Variants in SVEP1 observed in about 807,000 individuals in gnomAD.
SVEP1 encodes the protein sushi, von Willebrand factor type A, EGF and pentraxin domain containing 1, also known as sushi, von Willebrand factor type A, EGF and pentraxin domain-containing protein 1.
In SVEP1, 164 loss-of-function variants were observed where a neutral mutation model predicts 367.3. That is an observed-to-expected ratio of 0.45 (90% CI 0.39 to 0.51). The LOEUF is 0.51. SVEP1 is among the 20% of genes least tolerant of loss of function. SVEP1 has a pLI of 0.00. For synonymous variants in SVEP1, 1,666 were observed against 1,611.6 expected (o/e 1.03, Z -0.81); for missense variants, 4,117 against 4,425.3 (o/e 0.93, Z 1.98).
chr9:110,555,283 G>GTACA (rs1226062599), intron 1 of SVEP1, among the ~76,000 whole-genome samples: 1 of 152,000 alleles, frequency 6.6e-6, no homozygotes, highest in African/African-American at 2.4e-5. Flanking sequence ...CGGGCACAGA[G>GTACA]TACATGTTCA....
intron 35 of SVEP1, among the ~76,000 whole-genome samples, chr9:110,428,528 A>C (rs958098759): frequency 6.6e-6 from 1 of 152,180 alleles, no homozygotes; most frequent in African/African-American, 2.4e-5. Context: ...AGCTGTTTAT[A>C]AAGAAATCCA....
In SVEP1 at chr9:110,513,051, G is replaced by C; in HGVS notation, c.1178C>G (p.Thr393Ser). ...GGCTGCATTGAAGTGGTTGTTGCAA[G>C]TGTTTTGGATAAAGTAACCATTTTC... Reference protein sequence around the residue: ...PPENGYFIQNTCNNHFNAACG... With the variant: ...PPENGYFIQNSCNNHFNAACG... The change falls in exon 5 of 48, where the codon ACT becomes AGT. Residue 393 changes from threonine (T) to serine (S), a missense_variant. Thr to Ser is a moderately conservative substitution (Grantham distance 58). Coordinates refer to ENST00000374469, the MANE Select transcript of SVEP1 (RefSeq NM_153366.4). 1 of 1,614,020 alleles carries C rather than the reference G, an allele frequency of 6.2e-7. No homozygotes were observed. The highest frequency in any genetic ancestry group is 1.1e-5 in the South Asian group (1 of 91,086).
chr9:110,511,597 A>G (rs1490999045), intron 5 of SVEP1, among the ~76,000 whole-genome samples: 1 of 141,570 alleles, frequency 7.1e-6, no homozygotes, highest in Admixed American at 7.6e-5. Context: ...TTAGCAATGT[A>G]GTTGCCTTTG....
intron 36 of SVEP1, among the ~76,000 whole-genome samples, chr9:110,427,270 C>T (rs1285967059): frequency 7.2e-6 from 1 of 139,318 alleles, no homozygotes; most frequent in African/African-American, 2.7e-5. Context: ...TGCACTCCAG[C>T]CTGGGCAAGG....
At position 110,516,449 on chromosome 9, in the gene SVEP1, G is replaced by A. The variant is rs145699758; in HGVS notation, c.965-2343C>T. On this transcript the variant is annotated intron_variant, in intron 3 of 47. Transcript: ENST00000374469. ...CTTAAAAATAGTAATAATGATATAAGACATGATAAATAATTTAGCATAAAG... is the reference window on the plus strand; with the variant it reads ...CTTAAAAATAGTAATAATGATATAAAACATGATAAATAATTTAGCATAAAG... Among the ~76,000 whole-genome samples, 537 of 151,884 alleles carry A rather than the reference G, an allele frequency of 3.5e-3. 2 individuals carry two copies. Among genetic ancestry groups the A allele is most frequent in the African/African-American group, 0.012 (498 of 41,534 alleles).
At chr9:110,439,644 C>T (rs1162661623) in intron 27 of SVEP1, among the ~76,000 whole-genome samples, 1 of 152,042 alleles carries the variant, frequency 6.6e-6, no homozygotes, top group African/African-American at 2.4e-5. Context: ...AGGTGATCCA[C>T]TTGTCTCAGC....
At chr9:110,501,508 G>T (rs1049291026) in intron 6 of SVEP1, among the ~76,000 whole-genome samples, 6 of 105,054 alleles carry the variant, frequency 5.7e-5, no homozygotes, top group South Asian at 6.2e-4. Flanking sequence ...ATTTTGTTGT[G>T]GGGGGGGCAG....
At chr9:110,539,035 T>C (rs762755475) in intron 3 of SVEP1, among the ~76,000 whole-genome samples, 4 of 152,102 alleles carry the variant, frequency 2.6e-5, no homozygotes, top group Non-Finnish European at 5.9e-5. Flanking sequence ...AAGGCAAACA[T>C]GAAAATCTTG....
intron 3 of SVEP1, among the ~76,000 whole-genome samples, chr9:110,540,893 C>A (rs1401185098): frequency 6.6e-6 from 1 of 152,112 alleles, no homozygotes; most frequent in Admixed American, 6.6e-5. Flanking sequence ...AGGGAAGCCA[C>A]CGCCTTGGCT....
Position 110,434,406 on chromosome 9 carries a change from C to T in SVEP1, c.4989G>A (p.Gln1663=). Reference sequence around the variant, plus strand: ...AGTACTGCACAGGGTTCCCGACCAGCTGGAAGCCTGGATCACAGAACAGAT... The same window carrying T: ...AGTACTGCACAGGGTTCCCGACCAGTTGGAAGCCTGGATCACAGAACAGAT... ...KVNLFCDPGF[Q]LVGNPVQYCL... Residue 1663 remains glutamine (Q), a synonymous_variant, in exon 30 of 48, where the codon CAG becomes CAA. Coordinates refer to ENST00000374469, the MANE Select transcript of SVEP1 (RefSeq NM_153366.4). 6.2e-7 allele frequency: 1 copy of T among 1,613,408 alleles called. No individual in the cohort carries two copies. The highest frequency in any genetic ancestry group is 8.5e-7 in the Non-Finnish European group (1 of 1,179,684).
chr9:110,427,068 C>A (rs957138722), intron 36 of SVEP1, among the ~76,000 whole-genome samples: 1 of 151,918 alleles, frequency 6.6e-6, no homozygotes, highest in African/African-American at 2.4e-5. Flanking sequence ...CAGGCTGAGG[C>A]AAGTGGATCA....
At chr9:110,466,894 G>A (rs1326220882) in intron 17 of SVEP1, among the ~76,000 whole-genome samples, 1 of 151,752 alleles carries the variant, frequency 6.6e-6, no homozygotes, top group African/African-American at 2.4e-5. Flanking sequence ...TTCATGCCCA[G>A]AGAGGTGAAG....
rs376953716 is a variant in SVEP1, at chr9:110,377,237, C to T, written c.10504+34G>A. The T allele has an allele frequency of 6.9e-6, 11 of 1,598,368 alleles. No individual in the cohort carries two copies. In the African/African-American group the frequency reaches 1.1e-4, roughly 16 times the overall value. The stretch of plus-strand genomic sequence containing the variant: ...AGGTGGGAGCATCCAGGCAATTTGT[C>T]AGGACTCAAAGTAAGATCTGAAGAG... On this transcript the variant is annotated intron_variant, in intron 45 of 47. Transcript: ENST00000374469.
chr9:110,432,434 A>T (rs753298601), intron 31 of SVEP1, 28 bp downstream of exon 31: 1 of 1,599,382 alleles, frequency 6.3e-7, no homozygotes, highest in African/African-American at 1.3e-5. Flanking sequence ...GAATAATCTC[A>T]TATAGTAGTT....
intron 35 of SVEP1, among the ~76,000 whole-genome samples, chr9:110,428,073 G>T (rs1347680567): frequency 6.6e-6 from 1 of 152,086 alleles, no homozygotes; most frequent in Non-Finnish European, 1.5e-5. Context: ...GGATGAGAAG[G>T]GGTTCATTAG....
intron 1 of SVEP1, among the ~76,000 whole-genome samples, chr9:110,556,158 A>T (rs142647449): frequency 6.6e-6 from 1 of 152,316 alleles, no homozygotes; most frequent in East Asian, 1.9e-4. Context: ...CTGGCAGGAA[A>T]GTAAGCTTCC....
At chr9:110,460,723 A>G (rs1369043618) in intron 18 of SVEP1, among the ~76,000 whole-genome samples, 1 of 152,112 alleles carries the variant, frequency 6.6e-6, no homozygotes, top group African/African-American at 2.4e-5. Context: ...ACTGCACTCC[A>G]GCCTGAGCAA....
intron 1 of SVEP1, among the ~76,000 whole-genome samples, chr9:110,552,024 C>CTTTTTTTTTTTTT (rs34366561): frequency 1.3e-5 from 1 of 77,006 alleles, no homozygotes. Context: ...GGTACCCAAC[C>CTTTTTTTTTTTTT]TTTTTTTTTT....
intron 1 of SVEP1, among the ~76,000 whole-genome samples, chr9:110,566,340 A>AAATG (rs1564178210): frequency 7.5e-6 from 1 of 132,796 alleles, no homozygotes; most frequent in African/African-American, 2.6e-5. Flanking sequence ...ATAAATAAAT[A>AAATG]AATAAATAAA....
Sources: allele counts gnomAD v4.1 joint callset (sites outside exome capture counted in the v4.1 genomes callset), GRCh38; gene constraint gnomAD v4.1.1; transcripts MANE v1.5; gene names NCBI Gene and HGNC (gene_info 2026-07-23, HGNC 2026-07-21).